Variants in LMNTD2 observed in about 807,000 individuals in gnomAD.
LMNTD2 encodes lamin tail domain-containing protein 2.
A neutral mutation model predicts 70.1 loss-of-function variants in LMNTD2; 83 were observed. The ratio of observed to expected loss-of-function variants is 1.18; its 90% CI spans 0.99 to 1.42. The LOEUF is 1.42. LMNTD2 is among the 40% of genes most tolerant of loss of function. The pLI is 0.00. For synonymous variants in LMNTD2, 534 were observed against 406.1 expected, an observed-to-expected ratio of 1.31 and a Z score of -3.79; for missense variants, 1,153 against 905.9, an observed-to-expected ratio of 1.27 and a Z score of -3.50.
chr11:556,328 A>G lies in LMNTD2; in HGVS notation c.1121T>C (p.Val374Ala), dbSNP rs774551273. Residue 374 changes from valine to alanine, a missense_variant, in exon 10 of 14, where the codon GTC (valine) becomes GCC (alanine). Physicochemically the swap from Val to Ala is moderately conservative, Grantham distance 64 (BLOSUM62 0). Transcript: ENST00000329451. Reference protein sequence around the residue: ...IVAVSCREKFVRIFNPSQEST... With the variant: ...IVAVSCREKFARIFNPSQEST... ...CTCCTGCGACGGGTTGAAGATGCGG[A>G]CGAACTTCTCCCGGCAGCTCACAGC... is the stretch of plus-strand genomic sequence containing the variant. The G allele has an allele frequency of 5.9e-6, 9 of 1,535,702 alleles. No individual in the cohort carries two copies. Among genetic ancestry groups the G allele is most frequent in the African/African-American group, 4.1e-5 (3 of 73,036 alleles).
chr11:556,677 C>T (rs1852900170), intron 8 of LMNTD2, 89 bp from the exon 9 acceptor site: 10 of 1,414,448 alleles, frequency 7.1e-6, no homozygotes, highest in Non-Finnish European at 9.3e-6. Context: ...CCTGCAACGC[C>T]TGGCGGGGCA....
At chr11:560,480 C>CGCGACCCCT in intron 1 of LMNTD2, 1 of 1,257,022 alleles carries the variant, frequency 8.0e-7, no homozygotes, top group Non-Finnish European at 1.0e-6. Context: ...CCTGCGACCC[C>CGCGACCCCT]GCGACCCCTG....
At chr11:555,580 G>T in intron 12 of LMNTD2, 77 bp from the exon 13 acceptor site, 1 of 1,293,624 alleles carries the variant, frequency 7.7e-7, no homozygotes, top group Non-Finnish European at 9.9e-7. Flanking sequence ...CTGGGGCGGG[G>T]CAGGGGCCGC....
chr11:559,342 C>G, intron 1 of LMNTD2: 1 of 1,359,156 alleles, frequency 7.4e-7, no homozygotes, highest in Non-Finnish European at 9.8e-7. Context: ...ACCCCCAGCA[C>G]TCACCTGAGG....
intron 8 of LMNTD2, 122 bp downstream of exon 8, chr11:556,713 G>A: frequency 7.0e-7 from 1 of 1,419,736 alleles, no homozygotes; most frequent in South Asian, 1.5e-5. Flanking sequence ...GTCAGATGGG[G>A]CAGGAAAGGT....
intron 5 of LMNTD2, 57 bp from the exon 6 acceptor site, chr11:557,697 TCTC>T: frequency 6.2e-7 from 1 of 1,611,606 alleles, no homozygotes; most frequent in Non-Finnish European, 8.5e-7. Context: ...CTACAGCACC[TCTC>T]CTCTTTGACC....
Position 557,064 on chromosome 11 carries a change from CCCTGTGTCCA to C in LMNTD2, c.737_746del (p.Leu246ArgfsTer25). 1.2e-6 allele frequency: 2 copies of C among 1,606,404 alleles called. No individual in the cohort carries two copies. The highest frequency in any genetic ancestry group is 1.7e-6 in the Non-Finnish European group (2 of 1,177,358). On this transcript the variant is annotated frameshift_variant, in exon 8 of 14. Transcript: ENST00000329451. LOFTEE classifies it high-confidence loss of function. Reference sequence around the variant, plus strand: ...AATGCTTTCCAGAGGACTCTGGGCTCCCTGTGTCCAGCTGTGGCCAGGGCCGGGGCTGCCT... The same window carrying C: ...AATGCTTTCCAGAGGACTCTGGGCTCGCTGTGGCCAGGGCCGGGGCTGCCT...
Position 555,455 on chromosome 11 carries a change from C to T in LMNTD2, c.1623G>A (p.Ala541=). 2 of 1,375,482 alleles carry T rather than the reference C, an allele frequency of 1.5e-6. No individual in the cohort carries two copies. Among genetic ancestry groups the T allele is most frequent in the Non-Finnish European group, 1.9e-6 (2 of 1,070,220 alleles). The allele number at this position is 1,375,482 out of a possible 1,614,324, so 85.2% of individuals were successfully genotyped here. The part of the protein sequence containing the change: ...PPVSSGKLFH[A]REGPARPENP... ...TCTCGGGCCGCGCAGGCCCCTCCCG[C>T]GCGTGGAAGAGCTTCCCCGAGCTCA... is the stretch of plus-strand genomic sequence containing the variant. Residue 541 remains alanine (A), a synonymous_variant, in exon 13 of 14, where the codon GCG becomes GCA. Transcript: ENST00000329451.
intron 1 of LMNTD2, 170 bp from the exon 2 acceptor site, chr11:559,149 G>A: frequency 3.4e-6 from 5 of 1,464,936 alleles, no homozygotes; most frequent in Non-Finnish European, 2.7e-6. Context: ...CTTACTCACA[G>A]AGCGTTGCTC....
intron 1 of LMNTD2, chr11:560,416 ACT>A (rs1359305387): frequency 2.7e-5 from 33 of 1,233,340 alleles, no homozygotes; most frequent in Non-Finnish European, 3.2e-5. Context: ...CCGCACCAGG[ACT>A]CTGCGCCCGC....
chr11:559,778 G>A, intron 1 of LMNTD2: 1 of 1,048,224 alleles, frequency 9.5e-7, no homozygotes, highest in African/African-American at 1.7e-5. Flanking sequence ...TAATTCTTTA[G>A]AGACAGGGTC....
intron 5 of LMNTD2, 38 bp downstream of exon 5, chr11:557,846 G>A: frequency 6.5e-7 from 1 of 1,527,620 alleles, no homozygotes; most frequent in Non-Finnish European, 8.8e-7. Context: ...GGCTGGGGAG[G>A]GCAGCCTGGG....
Position 556,722 on chromosome 11 carries a change from G to A in LMNTD2, c.976+113C>T, listed in dbSNP as rs963348666. On this transcript the variant is annotated intron_variant, in intron 8 of 13. Coordinates refer to ENST00000329451, the MANE Select transcript of LMNTD2 (RefSeq NM_173573.3). The stretch of plus-strand genomic sequence containing the variant: ...GCCAGGGTCAGATGGGGCAGGAAAG[G>A]TGGCTGGACCTTGGGGGCTGGAGGG... 38 of 1,429,988 alleles carry A rather than the reference G, an allele frequency of 2.7e-5. No homozygotes were observed. In the African/African-American group the frequency reaches 2.7e-4, roughly 10 times the overall value. The allele number at this position is 1,429,988 out of a possible 1,614,324, so 88.6% of individuals were successfully genotyped here. A position where few individuals can be genotyped will look rare whatever the true frequency, so the allele number is the denominator to read the frequency against.
rs770172312 is a variant in LMNTD2, at chr11:557,581, G to C, written c.615C>G (p.Pro205=). The stretch of plus-strand genomic sequence containing the variant: ...GGGAGGCCTAGCTCACCTCCCCGGT[G>C]GGGGCCTGAATGTTTTCAGAGAGGT... ...PSDLSENIQA[P]TGEGFRLEDV... Residue 205 remains proline, a synonymous_variant, in exon 6 of 14, where the codon CCC becomes CCG. Coordinates refer to ENST00000329451, the MANE Select transcript of LMNTD2 (RefSeq NM_173573.3). 1.4e-5 allele frequency: 22 copies of C among 1,613,282 alleles called. No individual in the cohort carries two copies. In the Middle Eastern group the frequency reaches 4.9e-4, roughly 36 times the overall value.
chr11:559,328 C>T, intron 1 of LMNTD2: 2 of 1,379,618 alleles, frequency 1.4e-6, no homozygotes, highest in Non-Finnish European at 1.9e-6. Context: ...CAGCTCAGGG[C>T]CCTACCCCCA....
rs1028289057 is a variant in LMNTD2 at position 555,715 on chromosome 11, G to A, written c.1574+19C>T. On this transcript the variant is annotated intron_variant, in intron 12 of 13. Transcript: ENST00000329451. ...GGCCTGGGGAGGGAGGCCAGATCCC[G>A]GGGACCCGCGGTCCCCACCCTGGTC... is the stretch of plus-strand genomic sequence containing the variant. 2 of 1,379,212 alleles carry A rather than the reference G, an allele frequency of 1.5e-6. No individual in the cohort carries two copies. Among genetic ancestry groups the A allele is most frequent in the South Asian group, 3.3e-5 (2 of 60,554 alleles). 85.4% of individuals were successfully genotyped at this position (1,379,212 alleles called of 1,614,324 possible). A position where few individuals can be genotyped will look rare whatever the true frequency, so the allele number is the denominator to read the frequency against.
chr11:557,341 C>G, intron 7 of LMNTD2, 58 bp downstream of exon 7: 1 of 1,538,656 alleles, frequency 6.5e-7, no homozygotes, highest in Non-Finnish European at 8.8e-7. Context: ...TGCGTCTTCA[C>G]TTGCCAAGGT....
intron 4 of LMNTD2, 21 bp from the exon 5 acceptor site, chr11:558,060 G>A: frequency 1.3e-6 from 2 of 1,586,258 alleles, no homozygotes; most frequent in South Asian, 1.1e-5. Flanking sequence ...AGGGCCTGTG[G>A]TTGGTGGTGG....
intron 4 of LMNTD2, 25 bp from the exon 5 acceptor site, chr11:558,064 G>A (rs1197487503): frequency 1.3e-6 from 2 of 1,586,644 alleles, no homozygotes; most frequent in Non-Finnish European, 1.7e-6. Context: ...CCTGTGGTTG[G>A]TGGTGGGGGG....
Sources: gnomAD v4.1 joint callset for allele counts on GRCh38, gnomAD v4.1.1 for gene constraint, MANE v1.5 for transcripts, NCBI Gene and HGNC (gene_info 2026-07-23, HGNC 2026-07-21) for gene names.